The following RIMS1 variants were observed in gnomAD, a reference collection of about 807,000 sequenced individuals.
The protein encoded by RIMS1 is regulating synaptic membrane exocytosis 1.
A neutral mutation model predicts 214.1 loss-of-function variants in RIMS1; 83 were observed. The ratio of observed to expected loss-of-function variants is 0.39; its 90% CI spans 0.32 to 0.47. RIMS1 has a LOEUF of 0.47. RIMS1 is among the 20% of genes least tolerant of loss of function. The pLI is 0.99. For missense variants in RIMS1, 2,050 were observed against 2,161.8 expected (o/e 0.95, Z 1.03); for synonymous variants, 793 against 786.8 (o/e 1.01, Z -0.13).
intron 23 of RIMS1, among the ~76,000 whole-genome samples, chr6:72,277,148 TC>T (rs1373708452): frequency 6.6e-6 from 1 of 152,214 alleles, no homozygotes; most frequent in African/African-American, 2.4e-5. Flanking sequence ...CCCTCTTGTT[TC>T]CCACAGCATA....
chr6:72,098,300 T>C lies in RIMS1; in HGVS notation c.459+1138T>C, dbSNP rs1052156188. ...TATGATCAATATATCTTTTTTTTTT[T>C]TTTTCTTTTTTTTCTTGAGACAGAG... On this transcript the variant is annotated intron_variant, in intron 3 of 33. Coordinates refer to ENST00000521978, the MANE Select transcript of RIMS1 (RefSeq NM_014989.7). 2.7e-5 allele frequency among the ~76,000 whole-genome samples: 4 copies of C among 150,872 alleles called. 1 individual carries two copies. In the South Asian group the frequency reaches 6.3e-4, roughly 24 times the overall value.
chr6:72,386,982 C>T (rs2098620378), intron 29 of RIMS1, among the ~76,000 whole-genome samples: 1 of 152,076 alleles, frequency 6.6e-6, no homozygotes. Context: ...GATCCACCCG[C>T]CTCGGCCTCC....
At chr6:72,267,572 A>T (rs555339543) in intron 22 of RIMS1, among the ~76,000 whole-genome samples, 1 of 152,136 alleles carries the variant, frequency 6.6e-6, no homozygotes, top group African/African-American at 2.4e-5. Flanking sequence ...TTTACAGCAT[A>T]ATAAGCCATA....
intron 1 of RIMS1, among the ~76,000 whole-genome samples, chr6:71,903,414 A>G (rs1774312555): frequency 6.6e-6 from 1 of 152,190 alleles, no homozygotes; most frequent in Non-Finnish European, 1.5e-5. Context: ...AAGAAAATCT[A>G]GGCAATACCA....
rs1332045088 is a variant in RIMS1 at position 72,402,672 on chromosome 6, G to A, written c.*1958G>A. 6.6e-6 allele frequency: 1 copy of A among 152,554 alleles called. No homozygotes were observed. 9.5% of individuals were successfully genotyped at this position (152,554 alleles called of 1,614,324 possible). A position where few individuals can be genotyped will look rare whatever the true frequency, so the allele number is the denominator to read the frequency against. Reference sequence around the variant, plus strand: ...CTACTAGATTCCGTTCTGTCTTAGTGGCCAACAATCAACTGATTATAATTG... The same window carrying A: ...CTACTAGATTCCGTTCTGTCTTAGTAGCCAACAATCAACTGATTATAATTG... On this transcript the variant is annotated 3_prime_UTR_variant, in exon 34 of 34. Transcript: ENST00000521978.
At chr6:71,907,257 G>A (rs1477999886) in intron 1 of RIMS1, among the ~76,000 whole-genome samples, 2 of 152,088 alleles carry the variant, frequency 1.3e-5, no homozygotes, top group African/African-American at 2.4e-5. Flanking sequence ...TCATATGAAT[G>A]CATGGGAATT....
intron 15 of RIMS1, among the ~76,000 whole-genome samples, chr6:72,251,735 G>A (rs1381182880): frequency 2.6e-5 from 4 of 152,088 alleles, no homozygotes; most frequent in East Asian, 1.9e-4. Flanking sequence ...CACCGAGAGA[G>A]AGTCTCACTC....
At chr6:71,991,455 CA>C (rs1413798973) in intron 2 of RIMS1, among the ~76,000 whole-genome samples, 2 of 152,168 alleles carry the variant, frequency 1.3e-5, no homozygotes, top group African/African-American at 4.8e-5. Flanking sequence ...CTGTGATCAA[CA>C]AATATTCCCC....
chr6:71,886,944 A>G lies in RIMS1; in HGVS notation c.-80A>G. The G allele has an allele frequency of 6.6e-7, 1 of 1,508,834 alleles. No homozygotes were observed. The highest frequency in any genetic ancestry group is 9.0e-7 in the Non-Finnish European group (1 of 1,111,534). 93.5% of individuals were successfully genotyped at this position (1,508,834 alleles called of 1,614,324 possible). On this transcript the variant is annotated 5_prime_UTR_variant, in exon 1 of 34. Coordinates refer to ENST00000521978, the MANE Select transcript of RIMS1 (RefSeq NM_014989.7). ...CCGCTAGGGCTCCGCTGTGAGGGGG[A>G]AGCAGGGGCGCAGCTGCTGGGCGTG...
intron 1 of RIMS1, among the ~76,000 whole-genome samples, chr6:71,911,797 G>A (rs9293855): frequency 0.3 from 46,229 of 151,974 alleles, 7,831 homozygotes; most frequent in East Asian, 0.46. Flanking sequence ...TGGTCCTGAT[G>A]AGTCAGTATA....
At chr6:72,006,679 C>A (rs1181550223) in intron 2 of RIMS1, among the ~76,000 whole-genome samples, 6 of 152,228 alleles carry the variant, frequency 3.9e-5, no homozygotes, top group African/African-American at 1.4e-4. Context: ...GATATTATAT[C>A]CCGTGCCTGG....
intron 2 of RIMS1, among the ~76,000 whole-genome samples, chr6:72,039,306 G>A (rs113695889): frequency 3.8e-4 from 58 of 152,102 alleles, no homozygotes; most frequent in African/African-American, 1.3e-3. Flanking sequence ...TTTTGGCAAT[G>A]AAAAGCAAAA....
rs1382155735 is a variant in RIMS1 at position 72,196,083 on chromosome 6, G to GA, written c.1678+12934_1678+12935insA. ...GGGATTACAATTCAAGATGAGATTT[G>GA]GGTGGGGACACAAAGCCTAACCATA... is the stretch of plus-strand genomic sequence containing the variant. On this transcript the variant is annotated intron_variant, in intron 6 of 33. Transcript: ENST00000521978. 5.9e-5 allele frequency among the ~76,000 whole-genome samples: 9 copies of GA among 152,046 alleles called. No homozygotes were observed. The East Asian group carries it at 1.7e-3, about 29-fold the overall frequency.
At chr6:72,268,287 T>C (rs1259193150) in intron 22 of RIMS1, among the ~76,000 whole-genome samples, 1 of 152,118 alleles carries the variant, frequency 6.6e-6, no homozygotes, top group Non-Finnish European at 1.5e-5. Context: ...GAAGGGAGGC[T>C]TAGAGGGTTT....
At chr6:72,153,475 T>A (rs1156259858) in intron 4 of RIMS1, among the ~76,000 whole-genome samples, 1 of 152,118 alleles carries the variant, frequency 6.6e-6, no homozygotes, top group East Asian at 1.9e-4. Flanking sequence ...AACATATCAT[T>A]TTCTAGTATA....
intron 1 of RIMS1, among the ~76,000 whole-genome samples, chr6:71,896,827 G>A (rs751604927): frequency 3.9e-5 from 6 of 152,034 alleles, no homozygotes; most frequent in African/African-American, 7.2e-5. Flanking sequence ...AGATGTTGGC[G>A]TTCTCATGGG....
chr6:72,307,959 A>G (rs893617054), intron 27 of RIMS1, among the ~76,000 whole-genome samples: 2 of 152,190 alleles, frequency 1.3e-5, no homozygotes, highest in Admixed American at 6.5e-5. Context: ...AAATTCACAT[A>G]AATAAGCAAG....
At chr6:72,339,136 A>C (rs1376469918) in intron 29 of RIMS1, among the ~76,000 whole-genome samples, 1 of 151,836 alleles carries the variant, frequency 6.6e-6, no homozygotes, top group African/African-American at 2.4e-5. Context: ...ACGGAAGCAC[A>C]GGAAAGGACG....
At chr6:71,973,199 C>T (rs572695734) in intron 2 of RIMS1, among the ~76,000 whole-genome samples, 12 of 152,250 alleles carry the variant, frequency 7.9e-5, no homozygotes, top group Middle Eastern at 3.4e-3. Context: ...TGAGCCACTG[C>T]GCCCGGACAG....
Sources: gnomAD v4.1 joint callset for allele counts (sites outside exome capture counted in the v4.1 genomes callset) on GRCh38, gnomAD v4.1.1 for gene constraint, MANE v1.5 for transcripts, NCBI Gene and HGNC (gene_info 2026-07-23, HGNC 2026-07-21) for gene names.